The following TSTD2 variants were observed in gnomAD, a reference collection of about 807,000 sequenced individuals.
The protein encoded by TSTD2 is thiosulfate sulfurtransferase/rhodanese-like domain-containing protein 2.
In TSTD2, 37 loss-of-function variants were observed where a neutral mutation model predicts 47.9. That is an observed-to-expected ratio of 0.77 (90% CI 0.59 to 1.02). The LOEUF (loss-of-function observed/expected upper bound fraction) is 1.02, where lower values mean the gene tolerates loss of function less well. Among genes scored for constraint, TSTD2 ranks in the 50% least tolerant of loss-of-function variants. The pLI, the probability that TSTD2 is intolerant of heterozygous loss-of-function variation, is 0.00. For synonymous variants in TSTD2, 201 were observed against 215.9 expected, an observed-to-expected ratio of 0.93 and a Z score of 0.61; for missense variants, 586 against 616.0, an observed-to-expected ratio of 0.95 and a Z score of 0.52.
At chr9:97,602,908 T>A in intron 9 of TSTD2, 141 bp from the exon 10 acceptor site, 1 of 819,796 alleles carries the variant, frequency 1.2e-6, no homozygotes, top group Non-Finnish European at 1.8e-6. Context: ...TTCTGTCTTC[T>A]AGCAACAACA....
chr9:97,617,081 C>T (rs939468527), intron 4 of TSTD2, among the ~76,000 whole-genome samples: 2 of 152,338 alleles, frequency 1.3e-5, no homozygotes, highest in Middle Eastern at 3.4e-3. Flanking sequence ...GAAGATTATA[C>T]TTTCAGATAG....
At position 97,623,020 on chromosome 9, in the gene TSTD2, A is replaced by G. The variant is rs367785238; in HGVS notation, c.482+2661T>C. Among the ~76,000 whole-genome samples, 54 of 152,322 alleles carry G rather than the reference A, an allele frequency of 3.5e-4. 1 individual carries two copies. Among genetic ancestry groups the G allele is most frequent in the African/African-American group, 1.2e-3 (51 of 41,576 alleles). The stretch of plus-strand genomic sequence containing the variant: ...GTTGGGAAGACAGAATTGGTTTTTA[A>G]ATGTAAGGACATGATATTTGGGAGG... On this transcript the variant is annotated intron_variant, in intron 3 of 9. Transcript: ENST00000341170.
At chr9:97,620,546 CAAG>C (rs1293644593) in intron 3 of TSTD2, among the ~76,000 whole-genome samples, 5 of 152,104 alleles carry the variant, frequency 3.3e-5, no homozygotes, top group African/African-American at 1.2e-4. Flanking sequence ...GAGAAGACGA[CAAG>C]AAGATGTGGG....
rs754673011 is a variant in TSTD2, at chr9:97,602,431, C to T, written c.*38G>A. ...TCTCTGTATAGTCACCCCAAACCTA[C>T]TTTTACCGAGGGCCTGGGAAAATGC... On this transcript the variant is annotated 3_prime_UTR_variant, in exon 10 of 10. Coordinates refer to ENST00000341170, the MANE Select transcript of TSTD2 (RefSeq NM_139246.5). The T allele has an allele frequency of 6.5e-6, 10 of 1,547,478 alleles. No homozygotes were observed. In the Admixed American group the frequency reaches 1.5e-4, roughly 24 times the overall value.
At chr9:97,604,970 T>G (rs747105994) in intron 8 of TSTD2, 105 bp from the exon 9 acceptor site, 6 of 1,499,192 alleles carry the variant, frequency 4.0e-6, no homozygotes, top group Non-Finnish European at 5.3e-6. Context: ...AGAGGACTCA[T>G]GGCCGCTGCT....
chr9:97,602,452 A>G lies in TSTD2; in HGVS notation c.*17T>C. The G allele has an allele frequency of 6.4e-7, 1 of 1,569,022 alleles. No homozygotes were observed. The highest frequency in any genetic ancestry group is 8.7e-7 in the Non-Finnish European group (1 of 1,154,470). The stretch of plus-strand genomic sequence containing the variant: ...CCTACTTTTACCGAGGGCCTGGGAA[A>G]ATGCCAAAGGTGCTGCTCACATAAG... On this transcript the variant is annotated 3_prime_UTR_variant, in exon 10 of 10. Coordinates refer to ENST00000341170, the MANE Select transcript of TSTD2 (RefSeq NM_139246.5).
Position 97,605,505 on chromosome 9 carries a change from C to T in TSTD2, c.1091G>A (p.Gly364Asp). ...YCTGGIRCER[G>D]SAYLKAKGVC... Reference sequence around the variant, plus strand: ...CACCTTGGCTTTGAGGTAGGCTGAACCCCGCTCACAGCGGATGCCCCCGGT... The same window carrying T: ...CACCTTGGCTTTGAGGTAGGCTGAATCCCGCTCACAGCGGATGCCCCCGGT... Residue 364 changes from glycine to aspartate, a missense_variant, in exon 8 of 10, where the codon GGT becomes GAT. Physicochemically the swap from Gly to Asp is moderately conservative, Grantham distance 94 (BLOSUM62 -1). Transcript: ENST00000341170. 1 of 1,613,882 alleles carries T rather than the reference C, an allele frequency of 6.2e-7. No homozygotes were observed. The highest frequency in any genetic ancestry group is 8.5e-7 in the Non-Finnish European group (1 of 1,179,924).
Position 97,601,586 on chromosome 9 carries a change from G to C in TSTD2, c.*883C>G. On this transcript the variant is annotated 3_prime_UTR_variant, in exon 10 of 10. Coordinates refer to ENST00000341170, the MANE Select transcript of TSTD2 (RefSeq NM_139246.5). ...CTCTATCAGATGAGCTGCTGGTCTA[G>C]ATCAGGGGCTGGCAAACTTTTCTGT... 2 of 987,278 alleles carry C rather than the reference G, an allele frequency of 2.0e-6. No individual in the cohort carries two copies. Among genetic ancestry groups the C allele is most frequent in the Non-Finnish European group, 2.4e-6 (2 of 831,264 alleles). 61.2% of individuals were successfully genotyped at this position (987,278 alleles called of 1,614,324 possible).
At chr9:97,617,381 A>G (rs1476336880) in intron 4 of TSTD2, among the ~76,000 whole-genome samples, 1 of 152,220 alleles carries the variant, frequency 6.6e-6, no homozygotes, top group Admixed American at 6.5e-5. Context: ...ACATTTCCCT[A>G]TACCAGGGTC....
rs567883925 is a variant in TSTD2, at chr9:97,619,041, T to C, written c.483-1164A>G. Among the ~76,000 whole-genome samples the C allele has an allele frequency of 1.1e-4, 17 of 152,332 alleles. No individual in the cohort carries two copies. In the East Asian group the frequency reaches 1.3e-3, roughly 12 times the overall value. On this transcript the variant is annotated intron_variant, in intron 3 of 9. Coordinates refer to ENST00000341170, the MANE Select transcript of TSTD2 (RefSeq NM_139246.5). ...CCCTGAAGTGTGGGGCCATATGAAATGGAAGGGCCATATCTGTATAGCACA... is the reference window on the plus strand; with the variant it reads ...CCCTGAAGTGTGGGGCCATATGAAACGGAAGGGCCATATCTGTATAGCACA...
chr9:97,622,962 T>C (rs986747609), intron 3 of TSTD2, among the ~76,000 whole-genome samples: 3 of 152,232 alleles, frequency 2.0e-5, no homozygotes, highest in South Asian at 2.1e-4. Flanking sequence ...CTGTGGACTT[T>C]TGAGTTAATG....
rs1826287305 is a variant in TSTD2, at chr9:97,602,751, T to G, written c.1269A>C (p.Gly423=). The part of the protein sequence containing the change: ...SDVVSECSYC[G]ARWDQYKLCS... ...AGAGTTTATACTGGTCCCAGCGGGCTCCACAGTATGAACACTCTGGGGAGG... is the reference window on the plus strand; with the variant it reads ...AGAGTTTATACTGGTCCCAGCGGGCGCCACAGTATGAACACTCTGGGGAGG... Residue 423 remains glycine (G), a synonymous_variant, in exon 10 of 10, where the codon GGA becomes GGC. Coordinates refer to ENST00000341170, the MANE Select transcript of TSTD2 (RefSeq NM_139246.5). 1.2e-6 allele frequency: 2 copies of G among 1,612,546 alleles called. No homozygotes were observed. Among genetic ancestry groups the G allele is most frequent in the East Asian group, 4.5e-5 (2 of 44,846 alleles).
At chr9:97,610,570 A>C in intron 5 of TSTD2, 119 bp from the exon 6 acceptor site, 1 of 650,166 alleles carries the variant, frequency 1.5e-6, no homozygotes, top group Non-Finnish European at 2.4e-6. Flanking sequence ...GTCTTAAAAA[A>C]CCTCTAGTTA....
intron 3 of TSTD2, 104 bp downstream of exon 3, chr9:97,625,577 G>T: frequency 9.3e-7 from 1 of 1,077,658 alleles, no homozygotes; most frequent in Non-Finnish European, 1.3e-6. Context: ...ATTTGACACA[G>T]TTGGTCTTTC....
At chr9:97,624,525 CAG>C (rs780932251) in intron 3 of TSTD2, among the ~76,000 whole-genome samples, 1 of 152,094 alleles carries the variant, frequency 6.6e-6, no homozygotes, top group Non-Finnish European at 1.5e-5. Flanking sequence ...AGCAATAATA[CAG>C]AGAGTTTGGA....
At chr9:97,615,054 T>C (rs1826522511) in intron 4 of TSTD2, among the ~76,000 whole-genome samples, 1 of 152,222 alleles carries the variant, frequency 6.6e-6, no homozygotes, top group South Asian at 2.1e-4. Context: ...AGTACCTCTC[T>C]TGGGGTAGGC....
chr9:97,625,903 G>A lies in TSTD2; in HGVS notation c.260C>T (p.Thr87Ile), dbSNP rs762359062. 1 of 1,614,164 alleles carries A rather than the reference G, an allele frequency of 6.2e-7. No homozygotes were observed. The highest frequency in any genetic ancestry group is 1.1e-5 in the South Asian group (1 of 91,082). ...ATGTCTATGGATGCTGGTTTGGTCT[G>A]TGAATAGCTGCCGACAGCATTTCCA... Reference protein sequence around the residue: ...KLWKCCRQLFTDQTSIHRHVA... With the variant: ...KLWKCCRQLFIDQTSIHRHVA... Residue 87 changes from threonine (T) to isoleucine (I), a missense_variant, in exon 3 of 10, where the codon ACA becomes ATA. By Grantham distance (89) the Thr-to-Ile change is moderately conservative. Transcript: ENST00000341170.
At chr9:97,632,356 G>C (rs1564012494) in intron 1 of TSTD2, among the ~76,000 whole-genome samples, 1 of 151,874 alleles carries the variant, frequency 6.6e-6, no homozygotes, top group East Asian at 1.9e-4. Context: ...ATGGCATGGA[G>C]TGTGCAATGG....
chr9:97,627,191 T>A (rs1362039147), intron 2 of TSTD2: 2 of 967,800 alleles, frequency 2.1e-6, no homozygotes, highest in African/African-American at 3.3e-5. Context: ...CTGTCTAGGA[T>A]CCACCCTCCT....
Sources: gnomAD v4.1 joint callset for allele counts (sites outside exome capture counted in the v4.1 genomes callset) on GRCh38, gnomAD v4.1.1 for gene constraint, MANE v1.5 for transcripts, NCBI Gene and HGNC (gene_info 2026-07-23, HGNC 2026-07-21) for gene names.